KIF2A: variants seen among roughly 807,000 people sequenced by gnomAD.
KIF2A encodes the protein kinesin family member 2A.
In KIF2A, 22 loss-of-function variants were observed where a neutral mutation model predicts 100.2. The observed-to-expected ratio is 0.22, with a 90% confidence interval of 0.16 to 0.31. The LOEUF (loss-of-function observed/expected upper bound fraction) is 0.31. Among genes scored for constraint, KIF2A ranks in the 10% least tolerant of loss-of-function variants. The probability of loss-of-function intolerance (pLI) is 1.00; values close to 1 mark genes in which losing one functional copy is unlikely to be tolerated. For missense variants in KIF2A, 495 were observed against 898.7 expected (o/e 0.55, Z 5.74); for synonymous variants, 268 against 285.9 (o/e 0.94, Z 0.63).
At chr5:62,329,037 A>G (rs1746513860) in intron 1 of KIF2A, among the ~76,000 whole-genome samples, 1 of 152,190 alleles carries the variant, frequency 6.6e-6, no homozygotes, top group Admixed American at 6.5e-5. Flanking sequence ...GAAAATTCAT[A>G]GTTTGTTTTC....
Position 62,386,564 on chromosome 5 carries a change from A to AC in KIF2A, c.*996dup, listed in dbSNP as rs1269160464. On this transcript the variant is annotated 3_prime_UTR_variant, in exon 21 of 21. Coordinates refer to ENST00000407818, the MANE Select transcript of KIF2A (RefSeq NM_001098511.3). Reference sequence around the variant, plus strand: ...AAAGAAATTGGCTTCTGATGCATGAACATTTACATGTACATTGAAAGTAGT... The same window carrying AC: ...AAAGAAATTGGCTTCTGATGCATGAACCATTTACATGTACATTGAAAGTAGT... 6.6e-6 allele frequency among the ~76,000 whole-genome samples: 1 copy of AC among 152,238 alleles called. No individual in the cohort carries two copies. Among genetic ancestry groups the AC allele is most frequent in the Non-Finnish European group, 1.5e-5 (1 of 68,048 alleles).
At position 62,328,489 on chromosome 5, in the gene KIF2A, G is replaced by T. The variant is rs1449631782; in HGVS notation, c.65-18641G>T. Among the ~76,000 whole-genome samples, 7 of 152,018 alleles carry T rather than the reference G, an allele frequency of 4.6e-5. No homozygotes were observed. The East Asian group carries it at 1.3e-3, about 29-fold the overall frequency. On this transcript the variant is annotated intron_variant, in intron 1 of 20. Transcript: ENST00000407818. ...CTGAACAACATCAGGAAACTACAGT[G>T]ATTTAATACTCTTTTTTTTGAAATG...
intron 1 of KIF2A, among the ~76,000 whole-genome samples, chr5:62,319,883 A>G (rs537495956): frequency 4.4e-4 from 65 of 149,362 alleles, no homozygotes; most frequent in African/African-American, 1.5e-3. Context: ...AAAATGATAT[A>G]TATGTATGTA....
intron 6 of KIF2A, among the ~76,000 whole-genome samples, chr5:62,353,918 TG>T (rs967316155): frequency 6.0e-4 from 89 of 149,374 alleles, no homozygotes; most frequent in African/African-American, 2.3e-3. Context: ...CATAGAAAAC[TG>T]GTCTTTTACT....
rs1441207089 is a variant in KIF2A at position 62,389,403 on chromosome 5, C to T, written c.*3834C>T. On this transcript the variant is annotated 3_prime_UTR_variant, in exon 21 of 21. Coordinates refer to ENST00000407818, the MANE Select transcript of KIF2A (RefSeq NM_001098511.3). The stretch of plus-strand genomic sequence containing the variant: ...CGGGTGGTTGAGGCAGGAGATTTGC[C>T]TGAACCCAGGAGGCGGAGGTTGCAG... Among the ~76,000 whole-genome samples, 1 of 143,376 alleles carries T rather than the reference C, an allele frequency of 7.0e-6. No individual in the cohort carries two copies. The highest frequency in any genetic ancestry group is 1.5e-5 in the Non-Finnish European group (1 of 66,792). The allele number at this position is 143,376 out of a possible 152,430, so 94.1% of individuals were successfully genotyped here.
chr5:62,379,087 G>A (rs1437450535), intron 19 of KIF2A, among the ~76,000 whole-genome samples: 1 of 151,530 alleles, frequency 6.6e-6, no homozygotes, highest in African/African-American at 2.4e-5. Flanking sequence ...ACCAGCCTAG[G>A]CAACATGGCA....
chr5:62,349,993 A>G, intron 3 of KIF2A, 73 bp from the exon 4 acceptor site: 1 of 959,390 alleles, frequency 1.0e-6, no homozygotes, highest in Non-Finnish European at 1.6e-6. Flanking sequence ...TGTTTAATTG[A>G]AAGAAGCTCA....
chr5:62,321,351 A>G lies in KIF2A; in HGVS notation c.64+14815A>G, dbSNP rs547514452. Among the ~76,000 whole-genome samples the G allele has an allele frequency of 1.5e-4, 23 of 152,314 alleles. No homozygotes were observed. In the East Asian group the frequency reaches 4.2e-3, roughly 28 times the overall value. On this transcript the variant is annotated intron_variant, in intron 1 of 20. Transcript: ENST00000407818. ...GAGGAACTGCTGTATTATTTTCAAA[A>G]GTGGCTATATTATTTTGCATTCCCA...
Position 62,390,050 on chromosome 5 carries a change from GTCTTAGTTATA to G in KIF2A, c.*4483_*4493del, listed in dbSNP as rs1359002165. On this transcript the variant is annotated 3_prime_UTR_variant, in exon 21 of 21. Transcript: ENST00000407818. ...AGCCAATAAAATATAAACTCCATTT[GTCTTAGTTATA>G]TAGAACTGTGTTTCCAGCTTAGAAA... 7.2e-5 allele frequency among the ~76,000 whole-genome samples: 11 copies of G among 152,260 alleles called. No individual in the cohort carries two copies. The highest frequency in any genetic ancestry group is 2.6e-4 in the African/African-American group (11 of 41,560).
At position 62,391,020 on chromosome 5, in the gene KIF2A, C is replaced by A. The variant is rs758259989; in HGVS notation, c.*5451C>A. The A allele has an allele frequency of 1.9e-6, 3 of 1,549,434 alleles. No individual in the cohort carries two copies. The highest frequency in any genetic ancestry group is 1.8e-6 in the Non-Finnish European group (2 of 1,121,662). ...GATTCAGAATAAATGAACGACATAT[C>A]TTTAATGAGGTCACCTTGACTCTTT... On this transcript the variant is annotated 3_prime_UTR_variant, in exon 21 of 21. Coordinates refer to ENST00000407818, the MANE Select transcript of KIF2A (RefSeq NM_001098511.3).
At chr5:62,328,802 C>A (rs923206205) in intron 1 of KIF2A, among the ~76,000 whole-genome samples, 24 of 152,064 alleles carry the variant, frequency 1.6e-4, no homozygotes, top group Non-Finnish European at 1.2e-4. Flanking sequence ...TGATTTAATA[C>A]TTTTTAATGG....
chr5:62,378,331 A>G (rs955862582), intron 19 of KIF2A, among the ~76,000 whole-genome samples: 2 of 152,148 alleles, frequency 1.3e-5, no homozygotes, highest in Non-Finnish European at 2.9e-5. Context: ...TTTAAACAAG[A>G]AAATGTCCTA....
At chr5:62,339,846 C>CTG (rs963464953) in intron 1 of KIF2A, among the ~76,000 whole-genome samples, 7 of 148,654 alleles carry the variant, frequency 4.7e-5, no homozygotes, top group South Asian at 2.1e-4. Flanking sequence ...GTTTAGATTT[C>CTG]TGTGTGTGTG....
chr5:62,360,639 C>T (rs113907439), intron 9 of KIF2A, among the ~76,000 whole-genome samples: 6,622 of 151,930 alleles, frequency 0.044, 455 homozygotes, highest in African/African-American at 0.15. Flanking sequence ...GAGCTGAGAT[C>T]GCGCCATTTG....
At chr5:62,379,659 G>GAAAAAAAA (rs34005703) in intron 19 of KIF2A, among the ~76,000 whole-genome samples, 1 of 133,976 alleles carries the variant, frequency 7.5e-6, no homozygotes, top group Non-Finnish European at 1.6e-5. Context: ...TGAAACTCAG[G>GAAAAAAAA]AAAAAAAAAA....
chr5:62,385,468 CTTTT>C lies in KIF2A; in HGVS notation c.2150-15_2150-12del. The C allele has an allele frequency of 3.9e-6, 6 of 1,544,588 alleles. No individual in the cohort carries two copies. The highest frequency in any genetic ancestry group is 1.2e-5 in the South Asian group (1 of 84,168). On this transcript the variant is annotated splice_polypyrimidine_tract_variant and intron_variant, in intron 20 of 20. Transcript: ENST00000407818. ...GTAATACAATACTTATTCCCTCTTTCTTTTCTTTTTCCAAGATAAAGTGAAATCT... is the reference window on the plus strand; with the variant it reads ...GTAATACAATACTTATTCCCTCTTTCCTTTTTCCAAGATAAAGTGAAATCT...
chr5:62,370,301 T>G (rs1432618648), intron 16 of KIF2A, among the ~76,000 whole-genome samples: 2 of 152,158 alleles, frequency 1.3e-5, no homozygotes, highest in Non-Finnish European at 1.5e-5. Context: ...TATTTATTTA[T>G]TTATTTATTT....
At chr5:62,370,687 T>C (rs1458129125) in intron 16 of KIF2A, among the ~76,000 whole-genome samples, 1 of 152,124 alleles carries the variant, frequency 6.6e-6, no homozygotes, top group African/African-American at 2.4e-5. Flanking sequence ...TTATAGGATA[T>C]ATGAGAAATA....
intron 3 of KIF2A, among the ~76,000 whole-genome samples, chr5:62,348,657 T>C (rs1747694670): frequency 6.6e-6 from 1 of 152,242 alleles, no homozygotes; most frequent in Non-Finnish European, 1.5e-5. Context: ...CTAGCAGTTT[T>C]ATCTTTATAA....
Sources: allele counts gnomAD v4.1 joint callset (sites outside exome capture counted in the v4.1 genomes callset), GRCh38; gene constraint gnomAD v4.1.1; transcripts MANE v1.5; gene names NCBI Gene and HGNC (gene_info 2026-07-23, HGNC 2026-07-21).